Variants in NCOA2 observed in about 807,000 individuals in gnomAD.
The protein encoded by NCOA2 is nuclear receptor coactivator 2.
NCOA2 carries 21 observed loss-of-function variants against 145.1 expected under a neutral mutation model. That is an observed-to-expected ratio of 0.14 (90% confidence interval 0.10 to 0.21). The LOEUF (loss-of-function observed/expected upper bound fraction) is 0.21. NCOA2 is among the 10% of genes least tolerant of loss of function. The pLI, the probability that NCOA2 is intolerant of heterozygous loss-of-function variation, is 1.00. For synonymous variants in NCOA2, 619 were observed against 637.5 expected (o/e 0.97, Z 0.44); for missense variants, 1,472 against 1,837.6 (o/e 0.80, Z 3.64).
At chr8:70,274,008 CT>C (rs1245840558) in intron 2 of NCOA2, among the ~76,000 whole-genome samples, 13 of 152,186 alleles carry the variant, frequency 8.5e-5, no homozygotes, top group Non-Finnish European at 1.6e-4. Flanking sequence ...CACTACAGCT[CT>C]TTTCAGTTTT....
intron 22 of NCOA2, among the ~76,000 whole-genome samples, chr8:70,117,932 AG>A (rs779650759): frequency 1.3e-5 from 2 of 152,272 alleles, no homozygotes; most frequent in Non-Finnish European, 2.9e-5. Context: ...CTTTTATAGT[AG>A]GTGAGTCTCT....
At chr8:70,452,629 T>C in the NCOA2 span, among the ~76,000 whole-genome samples, 1 of 152,000 alleles carries the variant, frequency 6.6e-6, no homozygotes, top group Admixed American at 6.6e-5. Flanking sequence ...TAGATAGAAT[T>C]GAAGTTTGTA....
chr8:70,217,064 C>T (rs1463360968), intron 2 of NCOA2, among the ~76,000 whole-genome samples: 8 of 152,176 alleles, frequency 5.3e-5, no homozygotes, highest in Non-Finnish European at 1.5e-5. Context: ...AATCTACCAG[C>T]TCTGGGTTTG....
At chr8:70,361,861 C>T (rs1407913527) in intron 1 of NCOA2, among the ~76,000 whole-genome samples, 1 of 152,162 alleles carries the variant, frequency 6.6e-6, no homozygotes, top group African/African-American at 2.4e-5. Flanking sequence ...TAACTGTAAT[C>T]AGAAACCTAG....
chr8:70,456,098 G>T, the NCOA2 span, among the ~76,000 whole-genome samples: 1 of 149,912 alleles, frequency 6.7e-6, no homozygotes, highest in Non-Finnish European at 1.5e-5. Flanking sequence ...AAAAATGCCC[G>T]CATCTGAAAA....
chr8:70,284,046 C>A (rs1826067952), intron 2 of NCOA2, among the ~76,000 whole-genome samples: 1 of 152,102 alleles, frequency 6.6e-6, no homozygotes, highest in South Asian at 2.1e-4. Flanking sequence ...AGAAACAGCC[C>A]CCTCTCCTCA....
chr8:70,337,168 C>T (rs1401001181), intron 1 of NCOA2, among the ~76,000 whole-genome samples: 2 of 151,840 alleles, frequency 1.3e-5, no homozygotes, highest in African/African-American at 4.8e-5. Flanking sequence ...AGTGTTTGTA[C>T]ACACAATTTA....
chr8:70,403,488 C>A (rs1297565942), intron 1 of NCOA2, among the ~76,000 whole-genome samples: 1 of 145,762 alleles, frequency 6.9e-6, no homozygotes, highest in East Asian at 2.2e-4. Flanking sequence ...AGCCCCAACT[C>A]CCCAGCGTCG....
At chr8:70,384,379 A>T (rs1812484500) in intron 1 of NCOA2, among the ~76,000 whole-genome samples, 1 of 152,176 alleles carries the variant, frequency 6.6e-6, no homozygotes, top group Non-Finnish European at 1.5e-5. Context: ...TGAACTAGTC[A>T]AAAATAACAC....
chr8:70,228,830 A>C (rs973109292), intron 2 of NCOA2, among the ~76,000 whole-genome samples: 4 of 152,234 alleles, frequency 2.6e-5, no homozygotes, highest in African/African-American at 9.6e-5. Context: ...CTTCTGCCTG[A>C]TACTAAAATG....
chr8:70,296,633 GTTT>G lies in NCOA2; in HGVS notation c.-20+108_-20+110del, dbSNP rs1427275978. 3.3e-5 allele frequency: 5 copies of G among 152,058 alleles called. No individual in the cohort carries two copies. The East Asian group carries it at 9.7e-4, about 29-fold the overall frequency. The allele number at this position is 152,058 out of a possible 1,614,324, so 9.4% of individuals were successfully genotyped here. ...AATATAGACAAATATACAGTTTATT[GTTT>G]TTATTTAAAATCATCTTATTTACAT... is the stretch of plus-strand genomic sequence containing the variant. On this transcript the variant is annotated intron_variant, in intron 2 of 22. Transcript: ENST00000452400.
chr8:70,422,320 C>G, the NCOA2 span, among the ~76,000 whole-genome samples: 1 of 151,950 alleles, frequency 6.6e-6, no homozygotes, highest in Non-Finnish European at 1.5e-5. Context: ...GCACCCACTG[C>G]AAGTCCAAAT....
At chr8:70,253,029 A>C (rs1823334102) in intron 2 of NCOA2, among the ~76,000 whole-genome samples, 1 of 152,120 alleles carries the variant, frequency 6.6e-6, no homozygotes, top group African/African-American at 2.4e-5. Flanking sequence ...AATGAGGTTT[A>C]TTTCTTTCAC....
the NCOA2 span, among the ~76,000 whole-genome samples, chr8:70,416,187 G>GTTTTT: frequency 1.3e-4 from 18 of 136,794 alleles, no homozygotes; most frequent in South Asian, 6.7e-4. Flanking sequence ...GGGGACCTCA[G>GTTTTT]TTTTTTTGTT....
intron 1 of NCOA2, among the ~76,000 whole-genome samples, chr8:70,341,448 T>C (rs143580466): frequency 4.6e-5 from 7 of 152,308 alleles, no homozygotes; most frequent in Middle Eastern, 3.4e-3. Flanking sequence ...TGGCCAACAC[T>C]ACAAGGGCAG....
chr8:70,159,255 T>TTTTTTTTTTTTC (rs1209017347), intron 10 of NCOA2, among the ~76,000 whole-genome samples: 1 of 137,592 alleles, frequency 7.3e-6, no homozygotes, highest in African/African-American at 2.7e-5. Flanking sequence ...TTTTTTTTTT[T>TTTTTTTTTTTTC]CCCCCAAATA....
intron 1 of NCOA2, among the ~76,000 whole-genome samples, chr8:70,389,183 C>T (rs1231614824): frequency 6.6e-6 from 1 of 152,054 alleles, no homozygotes; most frequent in Non-Finnish European, 1.5e-5. Flanking sequence ...AAGTATTTTC[C>T]TCCCAACTGA....
intron 10 of NCOA2, among the ~76,000 whole-genome samples, chr8:70,157,771 T>C (rs564694668): frequency 1.3e-5 from 2 of 152,224 alleles, no homozygotes; most frequent in South Asian, 2.1e-4. Flanking sequence ...CTAGAACTAA[T>C]AGTTACTAAA....
At chr8:70,260,454 T>G (rs977269161) in intron 2 of NCOA2, among the ~76,000 whole-genome samples, 27 of 152,162 alleles carry the variant, frequency 1.8e-4, no homozygotes, top group Non-Finnish European at 3.1e-4. Flanking sequence ...GTCTTTAACA[T>G]CTCAAATGTA....
Sources: gnomAD v4.1 joint callset for allele counts (sites outside exome capture counted in the v4.1 genomes callset) on GRCh38, gnomAD v4.1.1 for gene constraint, MANE v1.5 for transcripts, NCBI Gene and HGNC (gene_info 2026-07-23, HGNC 2026-07-21) for gene names.